Variants in STARD9 observed in about 807,000 individuals in gnomAD.
STARD9 encodes stAR-related lipid transfer protein 9.
A neutral mutation model predicts 399.8 loss-of-function variants in STARD9; 346 were observed. That is an observed-to-expected ratio of 0.87 (90% CI 0.79 to 0.95). The LOEUF is 0.95. Ranked by LOEUF, STARD9 falls within the 40% of genes least tolerant of loss-of-function variation. STARD9 has a pLI of 0.00. For synonymous variants in STARD9, 2,203 were observed against 2,143.5 expected (o/e 1.03, Z -0.77); for missense variants, 5,832 against 5,667.5 (o/e 1.03, Z -0.93).
intron 3 of STARD9, among the ~76,000 whole-genome samples, chr15:42,627,054 G>C (rs1319112846): frequency 6.6e-6 from 1 of 152,016 alleles, no homozygotes; most frequent in Non-Finnish European, 1.5e-5. Context: ...TTGTTTTCTG[G>C]GAGGCCAAGG....
chr15:42,675,485 C>T (rs2060291563), intron 18 of STARD9, 179 bp from the exon 19 acceptor site: 1 of 588,342 alleles, frequency 1.7e-6, no homozygotes, highest in Non-Finnish European at 3.0e-6. Context: ...TTCTTCCTGT[C>T]TGTCTTATTA....
At chr15:42,625,118 C>T (rs1413088164) in intron 3 of STARD9, among the ~76,000 whole-genome samples, 1 of 152,108 alleles carries the variant, frequency 6.6e-6, no homozygotes, top group Non-Finnish European at 1.5e-5. Context: ...CCTCTGCCTC[C>T]CAGGTTCAAA....
chr15:42,598,239 G>A (rs1024372503), intron 3 of STARD9, among the ~76,000 whole-genome samples: 8 of 150,310 alleles, frequency 5.3e-5, no homozygotes, highest in Admixed American at 2.0e-4. Flanking sequence ...CACCATGTTA[G>A]CCAGGATGGT....
Position 42,685,821 on chromosome 15 carries a change from G to C in STARD9, c.4243G>C (p.Ala1415Pro), listed in dbSNP as rs1449500747. 6.5e-7 allele frequency: 1 copy of C among 1,537,186 alleles called. No individual in the cohort carries two copies. Among genetic ancestry groups the C allele is most frequent in the Non-Finnish European group, 8.7e-7 (1 of 1,146,944 alleles). ...CTGCAGTGCAAGAGATGAGCACACA[G>C]CCTCTGCTGCTGATACGTCTAGGCT... ...LLCSARDEHT[A>P]SAADTSRLSL... The change falls in exon 23 of 33, where the codon GCC becomes CCC. Residue 1415 changes from alanine to proline, a missense_variant. Physicochemically the swap from Ala to Pro is conservative, Grantham distance 27. Around this residue, in one of 2 missense-constraint regions of STARD9, gnomAD observed 5,828 missense variants for 5,651.1 expected, o/e 1.03. Coordinates refer to ENST00000290607, the MANE Select transcript of STARD9 (RefSeq NM_020759.3).
At chr15:42,703,393 T>G (rs1050748805) in intron 26 of STARD9, among the ~76,000 whole-genome samples, 9 of 151,522 alleles carry the variant, frequency 5.9e-5, no homozygotes, top group African/African-American at 2.2e-4. Context: ...GATGGAGTCT[T>G]GCACTGTTCA....
intron 3 of STARD9, among the ~76,000 whole-genome samples, chr15:42,631,580 CAA>C (rs754132188): frequency 5.2e-5 from 7 of 133,424 alleles, no homozygotes; most frequent in African/African-American, 8.3e-5. Flanking sequence ...ATTCCGTCTC[CAA>C]AAAAAAAAAA....
intron 15 of STARD9, among the ~76,000 whole-genome samples, chr15:42,666,730 A>T (rs4545789): frequency 6.6e-6 from 1 of 152,050 alleles, no homozygotes; most frequent in African/African-American, 2.4e-5. Flanking sequence ...TAACCAGGAA[A>T]GAGACTGCTG....
At chr15:42,669,035 T>C in intron 15 of STARD9, 123 bp from the exon 16 acceptor site, 2 of 761,882 alleles carry the variant, frequency 2.6e-6, no homozygotes, top group East Asian at 2.8e-5. Flanking sequence ...GGGCTTTGAA[T>C]AGTATCTGGG....
At chr15:42,697,503 C>G (rs2060869640) in intron 26 of STARD9, among the ~76,000 whole-genome samples, 1 of 152,052 alleles carries the variant, frequency 6.6e-6, no homozygotes. Context: ...AGAAAGGGCA[C>G]AAATATATAC....
chr15:42,681,374 G>A (rs1216626696), intron 20 of STARD9, 48 bp from the exon 21 acceptor site: 1 of 1,511,024 alleles, frequency 6.6e-7, no homozygotes, highest in African/African-American at 1.4e-5. Flanking sequence ...TTTGTCCTGA[G>A]CTTGGTTTGC....
chr15:42,636,735 C>T (rs188977355), intron 4 of STARD9, among the ~76,000 whole-genome samples: 2 of 152,152 alleles, frequency 1.3e-5, no homozygotes, highest in East Asian at 3.9e-4. Context: ...CTCGCTTTGT[C>T]CTGTGTTTAG....
chr15:42,713,092 G>GTGT (rs1277923056), intron 26 of STARD9, among the ~76,000 whole-genome samples: 9 of 152,156 alleles, frequency 5.9e-5, no homozygotes, highest in African/African-American at 2.2e-4. Context: ...GGATGTCATT[G>GTGT]TGTTTATTTA....
At chr15:42,682,859 G>T (rs903877622) in intron 22 of STARD9, among the ~76,000 whole-genome samples, 21 of 151,536 alleles carry the variant, frequency 1.4e-4, no homozygotes, top group African/African-American at 4.4e-4. Context: ...CTTTTCGTCT[G>T]TTCCTTAGAC....
In STARD9 at chr15:42,687,300, C is replaced by T; in HGVS notation, c.5722C>T (p.Leu1908Phe). Reference sequence around the variant, plus strand: ...AGACAGCACTGAGTCTGGGAAGTCTCTCCTCTTTCGTGAATCTGAGGCACG... The same window carrying T: ...AGACAGCACTGAGTCTGGGAAGTCTTTCCTCTTTCGTGAATCTGAGGCACG... ...SSDSTESGKS[L>F]LFRESEAREE... Residue 1908 changes from leucine (L) to phenylalanine (F), a missense_variant, in exon 23 of 33, where the codon CTC (leucine) becomes TTC (phenylalanine). By Grantham distance (22) the Leu-to-Phe change is conservative. Transcript: ENST00000290607. 2 of 1,536,830 alleles carry T rather than the reference C, an allele frequency of 1.3e-6. No homozygotes were observed. The highest frequency in any genetic ancestry group is 1.7e-6 in the Non-Finnish European group (2 of 1,146,918).
chr15:42,586,555 T>C (rs572947238), intron 3 of STARD9, among the ~76,000 whole-genome samples: 1 of 152,338 alleles, frequency 6.6e-6, no homozygotes, highest in East Asian at 1.9e-4. Flanking sequence ...CCTTGCCTCA[T>C]TCACTTCTAT....
chr15:42,585,299 A>T (rs1240345307), intron 2 of STARD9, among the ~76,000 whole-genome samples: 1 of 152,246 alleles, frequency 6.6e-6, no homozygotes, highest in Admixed American at 6.5e-5. Flanking sequence ...GTTCATATGT[A>T]GGCAGATATA....
rs1468704589 is a variant in STARD9, at chr15:42,607,438, A to G, written c.234+21801A>G. 5.3e-5 allele frequency among the ~76,000 whole-genome samples: 8 copies of G among 151,284 alleles called. No homozygotes were observed. The South Asian group carries it at 6.3e-4, about 12-fold the overall frequency. ...GGCTGGTCTCAAACTCCTGACCTCA[A>G]GTGATCTGCCCACCTCACCCTCCCA... is the stretch of plus-strand genomic sequence containing the variant. On this transcript the variant is annotated intron_variant, in intron 3 of 32. Transcript: ENST00000290607.
chr15:42,582,327 A>G (rs1427224378), intron 1 of STARD9, among the ~76,000 whole-genome samples: 2 of 152,170 alleles, frequency 1.3e-5, no homozygotes, highest in African/African-American at 4.8e-5. Context: ...TTTGTAGTGG[A>G]GGATGTTCTA....
At chr15:42,611,953 C>T (rs544098840) in intron 3 of STARD9, among the ~76,000 whole-genome samples, 2 of 152,270 alleles carry the variant, frequency 1.3e-5, no homozygotes, top group South Asian at 4.1e-4. Flanking sequence ...TAATCTTTGG[C>T]ATACCCTTAT....
Sources: allele counts gnomAD v4.1 joint callset (sites outside exome capture counted in the v4.1 genomes callset), GRCh38; gene constraint gnomAD v4.1.1; regional missense constraint gnomAD v4.1.1; transcripts MANE v1.5; gene names NCBI Gene and HGNC (gene_info 2026-07-23, HGNC 2026-07-21).